The following NR4A2 variants were observed in gnomAD, a reference collection of about 807,000 sequenced individuals.
NR4A2 encodes the protein NGFI-B/nur77 beta-type transcription factor homolog.
A neutral mutation model predicts 50.5 loss-of-function variants in NR4A2; 1 was observed. That is an observed-to-expected ratio of 0.02 (90% CI 0.01 to 0.09). The LOEUF (loss-of-function observed/expected upper bound fraction) is 0.09. NR4A2 is among the 10% of genes least tolerant of loss of function. The pLI, the probability that NR4A2 is intolerant of heterozygous loss-of-function variation, is 1.00. For missense variants in NR4A2, 613 were observed against 777.3 expected (o/e 0.79, Z 2.51); for synonymous variants, 328 against 309.4 (o/e 1.06, Z -0.63).
rs1274234213 is a variant in NR4A2 at position 156,328,901 on chromosome 2, A to C, written c.865-368T>G. 6.6e-6 allele frequency among the ~76,000 whole-genome samples: 1 copy of C among 152,210 alleles called. No homozygotes were observed. Among genetic ancestry groups the C allele is most frequent in the African/African-American group, 2.4e-5 (1 of 41,450 alleles). ...AAAATGATAAGATTATTCAATCAGG[A>C]TGGCGAAATAAAGAGATCACTTAAT... On this transcript the variant is annotated intron_variant, in intron 3 of 7. Transcript: ENST00000339562. The surrounding 1 kb of genome is among the most constrained non-coding windows in gnomAD (Gnocchi z 4.9).
chr2:156,330,244 C>T (rs1686862501), intron 2 of NR4A2, 56 bp from the exon 3 acceptor site: 2 of 1,599,422 alleles, frequency 1.3e-6, no homozygotes, highest in Non-Finnish European at 1.7e-6. Context: ...ACACTTTCTC[C>T]CGGGCTCGGG....
Position 156,326,147 on chromosome 2 carries a change from G to A in NR4A2, c.1540+3C>T. On this transcript the variant is annotated splice_donor_region_variant and intron_variant, in intron 7 of 7. Coordinates refer to ENST00000339562, the MANE Select transcript of NR4A2 (RefSeq NM_006186.4). This position sits in a 1 kb window ranked among gnomAD's most constrained non-coding sequence, Gnocchi z 4.2. ...GGAAGCGCCCTGCGCCTGCAGTACTGACCTGTGACCATAGCCAGGGCAGCA... is the reference window on the plus strand; with the variant it reads ...GGAAGCGCCCTGCGCCTGCAGTACTAACCTGTGACCATAGCCAGGGCAGCA... 1 of 1,614,224 alleles carries A rather than the reference G, an allele frequency of 6.2e-7. No individual in the cohort carries two copies. Among genetic ancestry groups the A allele is most frequent in the Non-Finnish European group, 8.5e-7 (1 of 1,180,038 alleles).
rs1389766413 is a variant in NR4A2 at position 156,326,074 on chromosome 2, C to T, written c.1541-74G>A. On this transcript the variant is annotated intron_variant, in intron 7 of 7. Coordinates refer to ENST00000339562, the MANE Select transcript of NR4A2 (RefSeq NM_006186.4). The surrounding 1 kb of genome is among the most constrained non-coding windows in gnomAD (Gnocchi z 4.2). ...GCTAGTTGGCAAAACCAAGGAGAAT[C>T]TGTGACAAGGGAAACTCAGGACAAA... 6 of 1,613,232 alleles carry T rather than the reference C, an allele frequency of 3.7e-6. No individual in the cohort carries two copies.
Position 156,329,311 on chromosome 2 carries a change from G to T in NR4A2, c.864+12C>A, listed in dbSNP as rs755465622. On this transcript the variant is annotated intron_variant, in intron 3 of 7. Transcript: ENST00000339562. This position sits in a 1 kb window ranked among gnomAD's most constrained non-coding sequence, Gnocchi z 7.5. ...CTCCCTACCTGCCTACTCCGCTCCC[G>T]CCATTGCTCACCTTAAAGAAGCCTT... 1.9e-6 allele frequency: 3 copies of T among 1,608,574 alleles called. No homozygotes were observed. Among genetic ancestry groups the T allele is most frequent in the Non-Finnish European group, 2.5e-6 (3 of 1,177,732 alleles).
At position 156,325,880 on chromosome 2, in the gene NR4A2, T is replaced by C. The variant is rs779637609; in HGVS notation, c.1661A>G (p.Lys554Arg). 1.2e-6 allele frequency: 2 copies of C among 1,614,210 alleles called. No individual in the cohort carries two copies. The highest frequency in any genetic ancestry group is 2.2e-5 in the East Asian group (1 of 44,884). The change falls in exon 8 of 8, where the codon AAA becomes AGA. Residue 554 changes from lysine (K) to arginine (R), a missense_variant. This residue lies in a region of NR4A2 where 250 missense variants were observed against 311.3 expected (regional missense o/e 0.80). Transcript: ENST00000339562. ...AAGTTCTGGGAGCTTCCCCAACAGT[T>C]TGGACAAATAATTGGGGCGGTTCAA... ...GGLNRPNYLS[K>R]LLGKLPELRT...
In NR4A2 at chr2:156,325,114, C is replaced by A. The variant is rs1421980940; in HGVS notation, c.*630G>T. 6.5e-6 allele frequency: 1 copy of A among 152,748 alleles called. No individual in the cohort carries two copies. Among genetic ancestry groups the A allele is most frequent in the Non-Finnish European group, 1.5e-5 (1 of 68,248 alleles). 9.5% of individuals were successfully genotyped at this position (152,748 alleles called of 1,614,324 possible). On this transcript the variant is annotated 3_prime_UTR_variant, in exon 8 of 8. Coordinates refer to ENST00000339562, the MANE Select transcript of NR4A2 (RefSeq NM_006186.4). ...TCTTTTTTTTTGCAAACACACTTAT[C>A]TTTTAGAATTTGTAATATTTATTCA...
Position 156,328,301 on chromosome 2 carries a change from A to G in NR4A2, c.994+103T>C. 1.3e-6 allele frequency: 2 copies of G among 1,570,168 alleles called. No individual in the cohort carries two copies. Among genetic ancestry groups the G allele is most frequent in the Non-Finnish European group, 1.8e-6 (2 of 1,142,360 alleles). On this transcript the variant is annotated intron_variant, in intron 4 of 7. Transcript: ENST00000339562. This position sits in a 1 kb window ranked among gnomAD's most constrained non-coding sequence, Gnocchi z 4.9. ...GGTCCTGGAGGCCATACTGAGGGGG[A>G]GTCGGAGATCCCCAGCACCGGGAAG...
In NR4A2 at chr2:156,329,241, G is replaced by C. The variant is rs73016502; in HGVS notation, c.864+82C>G. 2.3e-3 allele frequency: 3,621 copies of C among 1,541,918 alleles called. 72 individuals carry two copies. In the African/African-American group the frequency reaches 0.04, roughly 17 times the overall value. ...CCGGGAGAGCTGGGGCTGGGCTACT[G>C]GCACCAAGGCAGAGGGCACACTCCG... is the stretch of plus-strand genomic sequence containing the variant. On this transcript the variant is annotated intron_variant, in intron 3 of 7. Coordinates refer to ENST00000339562, the MANE Select transcript of NR4A2 (RefSeq NM_006186.4). This position sits in a 1 kb window ranked among gnomAD's most constrained non-coding sequence, Gnocchi z 7.5.
chr2:156,329,880 G>T lies in NR4A2; in HGVS notation c.307C>A (p.His103Asn). 1 of 1,614,202 alleles carries T rather than the reference G, an allele frequency of 6.2e-7. No individual in the cohort carries two copies. The highest frequency in any genetic ancestry group is 8.5e-7 in the Non-Finnish European group (1 of 1,180,034). ...EDIQMHNYQQ[H>N]SHLPPQSEEM... ...TCAGACTGGGGGGGCAGGTGGCTGT[G>T]TTGCTGGTAGTTGTGCATCTGAATG... Residue 103 changes from histidine (H) to asparagine (N), a missense_variant, in exon 3 of 8, where the codon CAC becomes AAC. His to Asn is a moderately conservative substitution (Grantham distance 68). Transcript: ENST00000339562. The surrounding 1 kb of genome is among the most constrained non-coding windows in gnomAD (Gnocchi z 7.5).
chr2:156,325,480 G>T lies in NR4A2; in HGVS notation c.*264C>A. ...CTGAGAATAAAAAGTTTATACCACT[G>T]TATTGTGTGTAGTCCATGTTCTAAA... On this transcript the variant is annotated 3_prime_UTR_variant, in exon 8 of 8. Coordinates refer to ENST00000339562, the MANE Select transcript of NR4A2 (RefSeq NM_006186.4). 1 of 510,186 alleles carries T rather than the reference G, an allele frequency of 2.0e-6. No individual in the cohort carries two copies. Among genetic ancestry groups the T allele is most frequent in the Non-Finnish European group, 3.6e-6 (1 of 281,390 alleles). The allele number at this position is 510,186 out of a possible 1,614,324, so 31.6% of individuals were successfully genotyped here.
At chr2:156,330,316 A>G in intron 2 of NR4A2, 128 bp from the exon 3 acceptor site, 1 of 1,077,744 alleles carries the variant, frequency 9.3e-7, no homozygotes, top group African/African-American at 1.6e-5. Context: ...CGCGAGAGGA[A>G]AGGCAGGAGA....
intron 1 of NR4A2, among the ~76,000 whole-genome samples, chr2:156,331,633 C>T (rs834835): frequency 0.58 from 88,152 of 152,112 alleles, 27,472 homozygotes; most frequent in Non-Finnish European, 0.71. Flanking sequence ...TGTGTCCTAG[C>T]AATTTTCAGA....
rs1422667661 is a variant in NR4A2 at position 156,326,103 on chromosome 2, T to A, written c.1540+47A>T. The A allele has an allele frequency of 1.9e-6, 3 of 1,613,680 alleles. No homozygotes were observed. The highest frequency in any genetic ancestry group is 2.5e-6 in the Non-Finnish European group (3 of 1,179,712). ...GACAAGGGAAACTCAGGACAAATCC[T>A]GCTAGGCAGTTCTGGAGGGGAAGCG... On this transcript the variant is annotated intron_variant, in intron 7 of 7. Transcript: ENST00000339562. The surrounding 1 kb of genome is among the most constrained non-coding windows in gnomAD (Gnocchi z 4.2).
chr2:156,329,837 G>C lies in NR4A2; in HGVS notation c.350C>G (p.Ser117Cys). 1.2e-6 allele frequency: 2 copies of C among 1,614,200 alleles called. No individual in the cohort carries two copies. Among genetic ancestry groups the C allele is most frequent in the Non-Finnish European group, 1.7e-6 (2 of 1,180,030 alleles). ...PPQSEEMMPH[S>C]GSVYYKPSSP... ...GGAGGGCTTGTAGTAAACCGACCCG[G>C]AGTGCGGCATCATCTCCTCAGACTG... The change falls in exon 3 of 8, where the codon TCC (serine) becomes TGC (cysteine). Residue 117 changes from serine to cysteine, a missense_variant. Around this residue, in one of 4 missense-constraint regions of NR4A2, gnomAD observed 275 missense variants for 248.9 expected, o/e 1.10. Transcript: ENST00000339562. This position sits in a 1 kb window ranked among gnomAD's most constrained non-coding sequence, Gnocchi z 7.5.
At chr2:156,332,060 G>T (rs1205336470) in intron 1 of NR4A2, 1 of 168,090 alleles carries the variant, frequency 5.9e-6, no homozygotes, top group Non-Finnish European at 1.3e-5. Flanking sequence ...CCCAAGCAAC[G>T]CATAAACTGA....
At position 156,325,975 on chromosome 2, in the gene NR4A2, C is replaced by A. The variant is rs566239612; in HGVS notation, c.1566G>T (p.Lys522Asn). 6.2e-7 allele frequency: 1 copy of A among 1,614,216 alleles called. No homozygotes were observed. Among genetic ancestry groups the A allele is most frequent in the Non-Finnish European group, 8.5e-7 (1 of 1,180,038 alleles). ...TCTTGTTTTGCAGTTCTTCCACTCTCTTGGGTTCCTTGAGCCCGTGTCTCT... is the reference window on the plus strand; with the variant it reads ...TCTTGTTTTGCAGTTCTTCCACTCTATTGGGTTCCTTGAGCCCGTGTCTCT... ...VTERHGLKEP[K>N]RVEELQNKIV... The change falls in exon 8 of 8, where the codon AAG becomes AAT. Residue 522 changes from lysine to asparagine, a missense_variant. Lys to Asn is a moderately conservative substitution (Grantham distance 94). Transcript: ENST00000339562.
chr2:156,327,968 C>T lies in NR4A2; in HGVS notation c.1041G>A (p.Ser347=), dbSNP rs756870590. Reference sequence around the variant, plus strand: ...AGGGCTCCTGTGGGCTCTTCGGTTTCGAGGGCAAACGACCTCTCCGGCCTT... The same window carrying T: ...AGGGCTCCTGTGGGCTCTTCGGTTTTGAGGGCAAACGACCTCTCCGGCCTT... The part of the protein sequence containing the change: ...SLKGRRGRLP[S]KPKSPQEPSP... The change falls in exon 5 of 8, where the codon TCG becomes TCA. Residue 347 remains serine (S), a synonymous_variant. Transcript: ENST00000339562. 31 of 1,602,536 alleles carry T rather than the reference C, an allele frequency of 1.9e-5. 1 individual carries two copies. The highest frequency in any genetic ancestry group is 1.7e-4 in the Middle Eastern group (1 of 6,050).
chr2:156,329,544 C>T lies in NR4A2; in HGVS notation c.643G>A (p.Gly215Arg). 1 of 1,603,578 alleles carries T rather than the reference C, an allele frequency of 6.2e-7. No homozygotes were observed. The highest frequency in any genetic ancestry group is 8.5e-7 in the Non-Finnish European group (1 of 1,174,320). Residue 215 changes from glycine to arginine, a missense_variant, in exon 3 of 8, where the codon GGG (glycine) becomes AGG (arginine). Gly to Arg is a moderately radical substitution (Grantham distance 125). Transcript: ENST00000339562. The surrounding 1 kb of genome is among the most constrained non-coding windows in gnomAD (Gnocchi z 7.5). ...EPAGSHHVVDGQTFAVPNPIR... is the reference protein window; with the variant it reads ...EPAGSHHVVDRQTFAVPNPIR... ...GGGTTGGGCACAGCGAAGGTCTGCC[C>T]GTCCACCACGTGGTGGCTGCCGGCG...
Position 156,325,660 on chromosome 2 carries a change from C to T in NR4A2, c.*84G>A, listed in dbSNP as rs573934598. Reference sequence around the variant, plus strand: ...GCAGCTTGAGCTGAGACTGCTCACACGGCTATCTCTGCCCATGTGACTTGC... The same window carrying T: ...GCAGCTTGAGCTGAGACTGCTCACATGGCTATCTCTGCCCATGTGACTTGC... On this transcript the variant is annotated 3_prime_UTR_variant, in exon 8 of 8. Coordinates refer to ENST00000339562, the MANE Select transcript of NR4A2 (RefSeq NM_006186.4). 7.8e-5 allele frequency: 120 copies of T among 1,541,562 alleles called. No homozygotes were observed. Among genetic ancestry groups the T allele is most frequent in the South Asian group, 2.1e-4 (19 of 88,810 alleles).
Sources: allele counts gnomAD v4.1 joint callset (sites outside exome capture counted in the v4.1 genomes callset), GRCh38; gene constraint gnomAD v4.1.1; regional missense constraint gnomAD v4.1.1; non-coding constraint Gnocchi (gnomAD v3.1); transcripts MANE v1.5; gene names NCBI Gene and HGNC (gene_info 2026-07-23, HGNC 2026-07-21).